ALK: variants seen among roughly 807,000 people sequenced by gnomAD.
The protein encoded by ALK is ALK receptor tyrosine kinase, also known as ALK tyrosine kinase receptor.
In ALK, 74 loss-of-function variants were observed where a neutral mutation model predicts 163.1. That is an observed-to-expected ratio of 0.45 (90% CI 0.38 to 0.55). The LOEUF is 0.55. Among genes scored for constraint, ALK ranks in the 20% least tolerant of loss-of-function variants. ALK has a pLI of 0.00. For missense variants in ALK, 2,063 were observed against 2,105.3 expected (o/e 0.98, Z 0.39); for synonymous variants, 960 against 843.2 (o/e 1.14, Z -2.40).
chr2:29,665,610 G>C (rs1047408640), intron 3 of ALK, among the ~76,000 whole-genome samples: 2 of 151,706 alleles, frequency 1.3e-5, no homozygotes, highest in African/African-American at 4.8e-5. Flanking sequence ...GTTGAAAGGG[G>C]GCCTATGCAG....
chr2:29,577,204 A>G (rs1037155888), intron 3 of ALK, among the ~76,000 whole-genome samples: 3 of 152,126 alleles, frequency 2.0e-5, no homozygotes, highest in African/African-American at 4.8e-5. Flanking sequence ...GGATGTTTGT[A>G]AAATAAACTC....
chr2:29,490,557 T>A (rs1373311826), intron 4 of ALK, among the ~76,000 whole-genome samples: 1 of 149,922 alleles, frequency 6.7e-6, no homozygotes, highest in African/African-American at 2.5e-5. Context: ...GGGGAGGGGG[T>A]TTTAACAGAC....
At chr2:29,423,221 A>C (rs2148068638) in intron 4 of ALK, among the ~76,000 whole-genome samples, 1 of 152,308 alleles carries the variant, frequency 6.6e-6, no homozygotes, top group Non-Finnish European at 1.5e-5. Context: ...AAAAATGAGG[A>C]AGAGGAGGAG....
At chr2:29,420,453 C>T (rs927951395) in intron 4 of ALK, among the ~76,000 whole-genome samples, 1 of 151,452 alleles carries the variant, frequency 6.6e-6, no homozygotes, top group Non-Finnish European at 1.5e-5. Flanking sequence ...CTTTATTCAG[C>T]GGTTATTCAC....
At chr2:29,853,909 TTTTC>T (rs142701436) in intron 1 of ALK, among the ~76,000 whole-genome samples, 9,216 of 69,668 alleles carry the variant, frequency 0.13, 408 homozygotes, top group East Asian at 0.26. Flanking sequence ...CTTTCTTTTC[TTTTC>T]TTTTTTTTTT....
chr2:29,649,384 C>A (rs1241960452), intron 3 of ALK, among the ~76,000 whole-genome samples: 30 of 152,222 alleles, frequency 2.0e-4, no homozygotes, highest in African/African-American at 7.0e-4. Context: ...ACTGTGCTTT[C>A]TGTTAGAACT....
chr2:29,469,559 A>C (rs1411095087), intron 4 of ALK, among the ~76,000 whole-genome samples: 1 of 152,042 alleles, frequency 6.6e-6, no homozygotes, highest in Non-Finnish European at 1.5e-5. Flanking sequence ...ACTCTTTCCT[A>C]ACTTTGGCCC....
At position 29,747,487 on chromosome 2, in the gene ALK, A is replaced by G. The variant is rs1416196864; in HGVS notation, c.668-29790T>C. Among the ~76,000 whole-genome samples, 3 of 152,214 alleles carry G rather than the reference A, an allele frequency of 2.0e-5. No individual in the cohort carries two copies. In the East Asian group the frequency reaches 5.8e-4, roughly 29 times the overall value. ...GATACATCGGTTTTGGAGTGACAGGAGGAGAGCATCTCTTGGACCTCAGAG... is the reference window on the plus strand; with the variant it reads ...GATACATCGGTTTTGGAGTGACAGGGGGAGAGCATCTCTTGGACCTCAGAG... On this transcript the variant is annotated intron_variant, in intron 1 of 28. Transcript: ENST00000389048.
At chr2:29,275,359 A>G (rs756362506) in intron 10 of ALK, 43 bp downstream of exon 10, 8 of 1,610,816 alleles carry the variant, frequency 5.0e-6, no homozygotes, top group African/African-American at 1.3e-5. Flanking sequence ...GCCATGGGCC[A>G]TGGGGGTTGG....
intron 3 of ALK, among the ~76,000 whole-genome samples, chr2:29,592,263 T>C (rs559197731): frequency 2.0e-5 from 3 of 152,288 alleles, no homozygotes; most frequent in South Asian, 2.1e-4. Flanking sequence ...CACCCTAGCC[T>C]GAGACCCAGC....
At chr2:29,855,113 A>G (rs1183556505) in intron 1 of ALK, among the ~76,000 whole-genome samples, 1 of 152,238 alleles carries the variant, frequency 6.6e-6, no homozygotes, top group Non-Finnish European at 1.5e-5. Context: ...ATTCTGGTGC[A>G]TGGCATGGAC....
At chr2:29,596,003 G>A (rs1348934838) in intron 3 of ALK, among the ~76,000 whole-genome samples, 1 of 152,202 alleles carries the variant, frequency 6.6e-6, no homozygotes, top group Non-Finnish European at 1.5e-5. Context: ...TTTAAGAAGT[G>A]AGAGTAAACG....
intron 3 of ALK, among the ~76,000 whole-genome samples, chr2:29,603,939 G>C (rs1385960028): frequency 1.3e-5 from 2 of 152,092 alleles, no homozygotes; most frequent in Non-Finnish European, 2.9e-5. Flanking sequence ...TTCCTAATGA[G>C]ACCCTTTTTT....
chr2:29,224,749 T>C (rs79214947), intron 19 of ALK: 2,495 of 216,682 alleles, frequency 0.012, 24 homozygotes, highest in Non-Finnish European at 0.017. Flanking sequence ...TGTTAGCTCC[T>C]ATTATCCTGT....
intron 1 of ALK, among the ~76,000 whole-genome samples, chr2:29,721,632 C>G (rs746198920): frequency 1.3e-5 from 2 of 152,236 alleles, no homozygotes; most frequent in African/African-American, 2.4e-5. Context: ...GCCTTCTCTT[C>G]TGTTGTAAAG....
chr2:29,848,053 C>A (rs1665893220), intron 1 of ALK, among the ~76,000 whole-genome samples: 1 of 152,048 alleles, frequency 6.6e-6, no homozygotes, highest in African/African-American at 2.4e-5. Context: ...TTCCAAGTAT[C>A]CAAAAAGTGC....
chr2:29,270,276 T>G (rs952367860), intron 11 of ALK, among the ~76,000 whole-genome samples: 1 of 152,230 alleles, frequency 6.6e-6, no homozygotes, highest in Non-Finnish European at 1.5e-5. Flanking sequence ...ACATGATCAT[T>G]TGCCTTTTAC....
At chr2:29,824,581 G>C (rs538960118) in intron 1 of ALK, among the ~76,000 whole-genome samples, 1 of 152,362 alleles carries the variant, frequency 6.6e-6, no homozygotes, top group East Asian at 1.9e-4. Flanking sequence ...AGTCAAGGGA[G>C]ATCATTTTGG....
intron 1 of ALK, among the ~76,000 whole-genome samples, chr2:29,775,279 A>T (rs1229089951): frequency 6.6e-6 from 1 of 152,232 alleles, no homozygotes; most frequent in Non-Finnish European, 1.5e-5. Flanking sequence ...GTTAACTCTG[A>T]GCAAACCATT....
Sources: allele counts gnomAD v4.1 joint callset (sites outside exome capture counted in the v4.1 genomes callset), GRCh38; gene constraint gnomAD v4.1.1; transcripts MANE v1.5; gene names NCBI Gene and HGNC (gene_info 2026-07-23, HGNC 2026-07-21).